The following PDE1A variants were observed in gnomAD, a reference collection of about 807,000 sequenced individuals.
PDE1A encodes the protein phosphodiesterase 1A, also known as dual specificity calcium/calmodulin-dependent 3',5'-cyclic nucleotide phosphodiesterase 1A.
A neutral mutation model predicts 61.7 loss-of-function variants in PDE1A; 35 were observed. The ratio of observed to expected loss-of-function variants is 0.57; its 90% CI spans 0.43 to 0.75. The LOEUF (loss-of-function observed/expected upper bound fraction) is 0.75. Ranked by LOEUF, PDE1A falls within the 30% of genes least tolerant of loss-of-function variation. The probability of loss-of-function intolerance (pLI) is 0.00; values close to 1 mark genes in which losing one functional copy is unlikely to be tolerated. For synonymous variants in PDE1A, 232 were observed against 213.2 expected (o/e 1.09, Z -0.77); for missense variants, 597 against 630.6 (o/e 0.95, Z 0.57).
chr2:182,325,434 A>C lies in PDE1A; in HGVS notation c.54-61020T>G, dbSNP rs116343975. On this transcript the variant is annotated intron_variant, in intron 1 of 13. Coordinates refer to ENST00000351439, the Ensembl canonical transcript of PDE1A. ...ACAATTATTGGATATGACACCAAAA[A>C]CATGGGTAATGAAACAAAACAATGG... Among the ~76,000 whole-genome samples the C allele has an allele frequency of 8.7e-3, 1,326 of 152,306 alleles. 18 individuals are homozygous for C. The highest frequency in any genetic ancestry group is 0.013 in the Non-Finnish European group (891 of 68,024).
intron 2 of PDE1A, among the ~76,000 whole-genome samples, chr2:182,479,440 A>G (rs1305292097): frequency 6.6e-6 from 1 of 151,862 alleles, no homozygotes; most frequent in Non-Finnish European, 1.5e-5. Context: ...TAACAGAATC[A>G]TTGATTTCAA....
At chr2:182,284,545 A>G (rs933769008) in intron 1 of PDE1A, among the ~76,000 whole-genome samples, 1 of 152,148 alleles carries the variant, frequency 6.6e-6, no homozygotes, top group Non-Finnish European at 1.5e-5. Context: ...GAAATTTTAT[A>G]TAATGTCATT....
intron 1 of PDE1A, among the ~76,000 whole-genome samples, chr2:182,267,599 C>T (rs1352286144): frequency 6.6e-6 from 1 of 151,856 alleles, no homozygotes; most frequent in Admixed American, 6.6e-5. Flanking sequence ...AAAAGGAAAA[C>T]CTTTATATTG....
intron 2 of PDE1A, among the ~76,000 whole-genome samples, chr2:182,486,525 A>G (rs1688035244): frequency 6.6e-6 from 1 of 152,106 alleles, no homozygotes; most frequent in Non-Finnish European, 1.5e-5. Flanking sequence ...TGGAGGATTT[A>G]CACTTTGAAG....
the PDE1A span, among the ~76,000 whole-genome samples, chr2:182,554,547 C>T: frequency 6.6e-6 from 1 of 152,038 alleles, no homozygotes; most frequent in East Asian, 1.9e-4. Context: ...ACTAAGCAGA[C>T]CTAGATTTGA....
chr2:182,315,197 T>C (rs1696256863), intron 1 of PDE1A, among the ~76,000 whole-genome samples: 1 of 152,222 alleles, frequency 6.6e-6, no homozygotes, highest in African/African-American at 2.4e-5. Flanking sequence ...TTTAAGGCCA[T>C]AATTAAAATA....
chr2:182,694,825 T>TGGG, the PDE1A span, among the ~76,000 whole-genome samples: 4 of 54,082 alleles, frequency 7.4e-5, no homozygotes, highest in Non-Finnish European at 9.2e-5. Flanking sequence ...AAAAAAAAGG[T>TGGG]GGGGGGGGGG....
chr2:182,229,823 A>C (rs1319937147), intron 6 of PDE1A, among the ~76,000 whole-genome samples, 183 bp downstream of exon 6: 1 of 151,802 alleles, frequency 6.6e-6, no homozygotes, highest in Non-Finnish European at 1.5e-5. Context: ...GCACTGACTT[A>C]AAGTATTTTT....
At chr2:182,610,735 C>T in the PDE1A span, among the ~76,000 whole-genome samples, 1 of 151,434 alleles carries the variant, frequency 6.6e-6, no homozygotes, top group Non-Finnish European at 1.5e-5. Flanking sequence ...TTGGATAAAA[C>T]TAAATTATAA....
At chr2:182,645,356 T>C in the PDE1A span, among the ~76,000 whole-genome samples, 11 of 152,230 alleles carry the variant, frequency 7.2e-5, no homozygotes, top group Admixed American at 1.3e-4. Flanking sequence ...TGATGAAATA[T>C]TTCTGTGAGG....
chr2:182,329,770 A>AT (rs1697283165), intron 1 of PDE1A, among the ~76,000 whole-genome samples: 2 of 152,164 alleles, frequency 1.3e-5, no homozygotes, highest in African/African-American at 4.8e-5. Flanking sequence ...CTACTTTCGG[A>AT]TTCCAGTTTA....
At chr2:182,476,930 A>G (rs939696079) in intron 2 of PDE1A, among the ~76,000 whole-genome samples, 25 of 151,644 alleles carry the variant, frequency 1.6e-4, no homozygotes, top group Admixed American at 1.1e-3. Context: ...CCTGGCAGCC[A>G]AAGTAAACAG....
chr2:182,470,111 G>T (rs765717726), intron 2 of PDE1A, among the ~76,000 whole-genome samples: 10 of 151,882 alleles, frequency 6.6e-5, no homozygotes, highest in Non-Finnish European at 1.5e-4. Flanking sequence ...AATGGCACTG[G>T]TAGACTTGGT....
chr2:182,607,659 G>A, the PDE1A span, among the ~76,000 whole-genome samples: 1 of 152,126 alleles, frequency 6.6e-6, no homozygotes, highest in South Asian at 2.1e-4. Context: ...TGTTGTTCAG[G>A]GGTCAACTGC....
At chr2:182,344,830 C>A (rs1298318750) in intron 1 of PDE1A, among the ~76,000 whole-genome samples, 1 of 152,000 alleles carries the variant, frequency 6.6e-6, no homozygotes, top group Non-Finnish European at 1.5e-5. Context: ...AGCATCTCAT[C>A]CAGGCCTCAA....
intron 1 of PDE1A, among the ~76,000 whole-genome samples, chr2:182,295,275 C>T (rs563568346): frequency 2.0e-5 from 3 of 151,712 alleles, no homozygotes; most frequent in Admixed American, 6.6e-5. Flanking sequence ...GGGGTTTCAC[C>T]TTGTTAGCCA....
intron 13 of PDE1A, among the ~76,000 whole-genome samples, chr2:182,155,591 A>G (rs533866867): frequency 6.6e-6 from 1 of 152,280 alleles, no homozygotes; most frequent in East Asian, 1.9e-4. Context: ...CTTGAACTAT[A>G]ATAAGCCCCA....
At chr2:182,447,413 C>T (rs1685216948) in intron 2 of PDE1A, among the ~76,000 whole-genome samples, 1 of 152,046 alleles carries the variant, frequency 6.6e-6, no homozygotes, top group African/African-American at 2.4e-5. Flanking sequence ...TTCCAGTGAC[C>T]TTCCTGATTA....
At chr2:182,337,687 C>T (rs1298685225) in intron 1 of PDE1A, among the ~76,000 whole-genome samples, 1 of 152,158 alleles carries the variant, frequency 6.6e-6, no homozygotes, top group Non-Finnish European at 1.5e-5. Context: ...TAACCTTCGA[C>T]AGCTGATCTA....
Sources: gnomAD v4.1 joint callset for allele counts (sites outside exome capture counted in the v4.1 genomes callset) on GRCh38, gnomAD v4.1.1 for gene constraint, MANE v1.5 for transcripts, NCBI Gene and HGNC (gene_info 2026-07-23, HGNC 2026-07-21) for gene names.